MAGI1: variants seen among roughly 807,000 people sequenced by gnomAD.
MAGI1 encodes membrane-associated guanylate kinase, WW and PDZ domain-containing protein 1.
Under a neutral mutation model 139.9 loss-of-function variants are expected in MAGI1, and 58 were observed. The ratio of observed to expected loss-of-function variants is 0.41; its 90% CI spans 0.34 to 0.52. MAGI1 has a LOEUF of 0.52. Ranked by LOEUF, MAGI1 falls within the 20% of genes least tolerant of loss-of-function variation. MAGI1 has a pLI of 0.12. For missense variants in MAGI1, 1,874 were observed against 1,901.6 expected, an observed-to-expected ratio of 0.99 and a Z score of 0.27; for synonymous variants, 812 against 737.9, an observed-to-expected ratio of 1.10 and a Z score of -1.63.
At chr3:65,722,114 A>G (rs1161420664) in intron 1 of MAGI1, among the ~76,000 whole-genome samples, 2 of 152,150 alleles carry the variant, frequency 1.3e-5, no homozygotes, top group Non-Finnish European at 2.9e-5. Context: ...AGCAAGTTCC[A>G]TGGCTTAAGA....
chr3:65,619,630 C>T (rs1389397660), intron 2 of MAGI1, among the ~76,000 whole-genome samples: 3 of 152,136 alleles, frequency 2.0e-5, no homozygotes, highest in African/African-American at 4.8e-5. Flanking sequence ...CTTCCTAATC[C>T]ATTAGCACAA....
At chr3:65,660,467 G>A (rs1238096945) in intron 1 of MAGI1, among the ~76,000 whole-genome samples, 1 of 152,250 alleles carries the variant, frequency 6.6e-6, no homozygotes, top group Admixed American at 6.5e-5. Flanking sequence ...ACAAGTTTAA[G>A]ATAAACAAAC....
chr3:65,722,592 C>T (rs141606879), intron 1 of MAGI1, among the ~76,000 whole-genome samples: 24 of 152,294 alleles, frequency 1.6e-4, no homozygotes, highest in African/African-American at 3.8e-4. Context: ...ATGATCACAC[C>T]GCTGCGCTCC....
intron 1 of MAGI1, among the ~76,000 whole-genome samples, chr3:65,954,284 T>C (rs1270289828): frequency 1.3e-5 from 2 of 152,162 alleles, no homozygotes; most frequent in Non-Finnish European, 2.9e-5. Flanking sequence ...TCTGAAGCCA[T>C]TTGTTTCCCA....
chr3:65,592,026 T>G (rs946308998), intron 2 of MAGI1, among the ~76,000 whole-genome samples: 2 of 152,198 alleles, frequency 1.3e-5, no homozygotes, highest in Non-Finnish European at 2.9e-5. Context: ...AACTATTACA[T>G]GTACTGTTTT....
At chr3:65,503,629 A>G (rs1026470997) in intron 2 of MAGI1, among the ~76,000 whole-genome samples, 1 of 152,214 alleles carries the variant, frequency 6.6e-6, no homozygotes. Flanking sequence ...TTCAGGTTCC[A>G]TCTTGCATGG....
intron 13 of MAGI1, among the ~76,000 whole-genome samples, chr3:65,399,262 C>T (rs1944660988): frequency 6.6e-6 from 1 of 152,170 alleles, no homozygotes. Flanking sequence ...CCAGGACATC[C>T]AGCTTCCCTG....
chr3:65,633,499 T>C (rs1170728544), intron 1 of MAGI1, among the ~76,000 whole-genome samples: 1 of 152,214 alleles, frequency 6.6e-6, no homozygotes, highest in Admixed American at 6.5e-5. Context: ...AACATTTTGC[T>C]AGCACTTCAG....
At chr3:65,950,085 A>AAAC (rs2063747344) in intron 1 of MAGI1, among the ~76,000 whole-genome samples, 1 of 74,340 alleles carries the variant, frequency 1.3e-5, no homozygotes, top group Non-Finnish European at 3.1e-5. Context: ...AAACAAAAAA[A>AAAC]AAAACAAACA....
intron 1 of MAGI1, among the ~76,000 whole-genome samples, chr3:65,774,633 C>T (rs907743908): frequency 3.9e-5 from 6 of 152,136 alleles, no homozygotes; most frequent in African/African-American, 1.4e-4. Context: ...CCATTCTTAA[C>T]CCTGACATTT....
chr3:65,648,316 T>TGCGC (rs1553685618), intron 1 of MAGI1, among the ~76,000 whole-genome samples: 16 of 143,038 alleles, frequency 1.1e-4, no homozygotes, highest in African/African-American at 3.8e-4. Context: ...TGTGTGTGTG[T>TGCGC]GCGCGTGCGC....
intron 1 of MAGI1, among the ~76,000 whole-genome samples, chr3:66,010,393 TTATTC>T (rs1333112398): frequency 6.6e-6 from 1 of 152,186 alleles, no homozygotes; most frequent in Non-Finnish European, 1.5e-5. Flanking sequence ...GCTTTCCCCC[TTATTC>T]TAGGTCTCCT....
At chr3:65,938,253 G>A (rs1235253046) in intron 1 of MAGI1, among the ~76,000 whole-genome samples, 1 of 149,716 alleles carries the variant, frequency 6.7e-6, no homozygotes, top group Non-Finnish European at 1.5e-5. Context: ...ATTTTGAAAT[G>A]TGCTTTAATG....
chr3:65,939,759 G>A (rs192170740), intron 1 of MAGI1, among the ~76,000 whole-genome samples: 2 of 152,268 alleles, frequency 1.3e-5, no homozygotes, highest in African/African-American at 4.8e-5. Flanking sequence ...AGTAGTCATG[G>A]TATCAAGTCT....
intron 12 of MAGI1, among the ~76,000 whole-genome samples, chr3:65,425,108 T>TAAAAAAAAAAAAAAAAAA (rs72030632): frequency 1.5e-5 from 1 of 66,596 alleles, no homozygotes; most frequent in Non-Finnish European, 3.5e-5. Context: ...GTAGAACTTC[T>TAAAAAAAAAAAAAAAAAA]AAAAAAAAAA....
At chr3:65,704,838 G>A (rs927426342) in intron 1 of MAGI1, among the ~76,000 whole-genome samples, 11 of 151,726 alleles carry the variant, frequency 7.2e-5, no homozygotes, top group African/African-American at 2.4e-4. Context: ...TCTAGACCCC[G>A]TCTCATCACA....
At chr3:65,632,485 AC>A (rs1402058673) in intron 1 of MAGI1, among the ~76,000 whole-genome samples, 6 of 152,234 alleles carry the variant, frequency 3.9e-5, no homozygotes, top group Middle Eastern at 3.2e-3. Flanking sequence ...AACTAAAAAA[AC>A]AAAAACTCTC....
chr3:65,794,505 T>C (rs2039993161), intron 1 of MAGI1, among the ~76,000 whole-genome samples: 1 of 152,060 alleles, frequency 6.6e-6, no homozygotes, highest in African/African-American at 2.4e-5. Context: ...CATCCACTCA[T>C]TCTGCAGGAC....
chr3:65,955,674 T>G (rs1021871789), intron 1 of MAGI1, among the ~76,000 whole-genome samples: 3 of 152,044 alleles, frequency 2.0e-5, no homozygotes, highest in African/African-American at 7.2e-5. Flanking sequence ...AAAAAAAAAA[T>G]TGTCTTGTAA....
Sources: allele counts gnomAD v4.1 joint callset (sites outside exome capture counted in the v4.1 genomes callset), GRCh38; gene constraint gnomAD v4.1.1; transcripts MANE v1.5; gene names NCBI Gene and HGNC (gene_info 2026-07-23, HGNC 2026-07-21).